The following TUSC3 variants were observed in gnomAD, a reference collection of about 807,000 sequenced individuals.
TUSC3 encodes the protein tumor suppressor candidate 3.
Under a neutral mutation model 44.8 loss-of-function variants are expected in TUSC3, and 45 were observed. The observed-to-expected ratio is 1.00, with a 90% CI of 0.79 to 1.29. The LOEUF (loss-of-function observed/expected upper bound fraction) is 1.29, where lower values mean the gene tolerates loss of function less well. Ranked by LOEUF, TUSC3 falls within the 50% of genes most tolerant of loss-of-function variation. The pLI is 0.00. For missense variants in TUSC3, 519 were observed against 437.9 expected, an observed-to-expected ratio of 1.19 and a Z score of -1.65; for synonymous variants, 212 against 152.9, an observed-to-expected ratio of 1.39 and a Z score of -2.85.
the TUSC3 span, among the ~76,000 whole-genome samples, chr8:15,804,754 G>C: frequency 6.6e-6 from 1 of 152,120 alleles, no homozygotes; most frequent in African/African-American, 2.4e-5. Context: ...GTTGGGTATT[G>C]TGATGCCTCC....
At chr8:15,756,980 T>A (rs930182361) in intron 9 of TUSC3, among the ~76,000 whole-genome samples, 3 of 152,098 alleles carry the variant, frequency 2.0e-5, no homozygotes, top group Middle Eastern at 6.8e-3. Flanking sequence ...ACAAAAAATT[T>A]AAAAAATTAG....
chr8:15,757,421 C>A (rs910222940), intron 9 of TUSC3, among the ~76,000 whole-genome samples: 1 of 152,080 alleles, frequency 6.6e-6, no homozygotes, highest in African/African-American at 2.4e-5. Context: ...GCAAAAATTC[C>A]AGCATGTAGA....
chr8:15,832,480 C>A, the TUSC3 span, among the ~76,000 whole-genome samples: 3 of 152,124 alleles, frequency 2.0e-5, no homozygotes, highest in African/African-American at 7.2e-5. Flanking sequence ...TCAAAAGACA[C>A]AGAGTGGCAA....
chr8:15,617,140 T>TGTGTGTGTGTGTG (rs1563136021), intron 1 of TUSC3, among the ~76,000 whole-genome samples: 1 of 8,122 alleles, frequency 1.2e-4, no homozygotes, highest in Non-Finnish European at 6.2e-4. Context: ...GTGTATATAT[T>TGTGTGTGTGTGTG]TTTTTTTTTT....
At chr8:15,629,360 G>A (rs564170455) in intron 2 of TUSC3, among the ~76,000 whole-genome samples, 96 of 152,226 alleles carry the variant, frequency 6.3e-4, no homozygotes, top group African/African-American at 2.2e-3. Flanking sequence ...GGAGAGCTCT[G>A]TAATCCATAT....
Position 15,685,443 on chromosome 8 carries a change from C to G in TUSC3, c.798+11607C>G, listed in dbSNP as rs887590052. Among the ~76,000 whole-genome samples the G allele has an allele frequency of 3.9e-5, 6 of 152,074 alleles. No homozygotes were observed. The South Asian group carries it at 1.0e-3, about 27-fold the overall frequency. ...GATGGTTTATTTGATATTTTGGTTC[C>G]TCTTGGTGGACAGTTCCCGGCTGTT... On this transcript the variant is annotated intron_variant, in intron 6 of 10. Coordinates refer to ENST00000503731, the MANE Select transcript of TUSC3 (RefSeq NM_006765.4).
At chr8:15,535,019 C>T (rs940434431) in intron 2 of TUSC3, among the ~76,000 whole-genome samples, 1 of 152,192 alleles carries the variant, frequency 6.6e-6, no homozygotes, top group Admixed American at 6.5e-5. Context: ...TCCACAAGGA[C>T]TCAAATATAG....
chr8:15,581,471 G>A (rs1784738463), intron 1 of TUSC3, among the ~76,000 whole-genome samples: 1 of 147,992 alleles, frequency 6.8e-6, no homozygotes, highest in Admixed American at 6.7e-5. Context: ...GGTCTTTGAT[G>A]ATGGTGATGT....
intron 10 of TUSC3, among the ~76,000 whole-genome samples, chr8:15,761,091 C>CTGAT (rs1332570384): frequency 6.6e-6 from 1 of 152,114 alleles, no homozygotes; most frequent in East Asian, 1.9e-4. Context: ...TTGTTAAATG[C>CTGAT]TGATTGAAAC....
At chr8:15,569,048 C>T (rs1041018967) in intron 1 of TUSC3, among the ~76,000 whole-genome samples, 1 of 151,876 alleles carries the variant, frequency 6.6e-6, no homozygotes, top group Non-Finnish European at 1.5e-5. Flanking sequence ...CATTATTGTG[C>T]GGCTTGTTAT....
At chr8:15,532,739 A>G (rs568080137) in intron 2 of TUSC3, among the ~76,000 whole-genome samples, 3 of 152,288 alleles carry the variant, frequency 2.0e-5, no homozygotes, top group East Asian at 3.9e-4. Context: ...GAGAAAACTG[A>G]TTCACGGGGG....
At chr8:15,809,401 G>A in the TUSC3 span, among the ~76,000 whole-genome samples, 3 of 152,232 alleles carry the variant, frequency 2.0e-5, no homozygotes, top group Non-Finnish European at 4.4e-5. Flanking sequence ...GTGGGAATAG[G>A]TAAAGGTCCC....
At chr8:15,492,926 T>G (rs1800829423) in intron 2 of TUSC3, among the ~76,000 whole-genome samples, 1 of 152,056 alleles carries the variant, frequency 6.6e-6, no homozygotes, top group African/African-American at 2.4e-5. Flanking sequence ...TAAAACATCA[T>G]GAAAAAAAGA....
Position 15,720,190 on chromosome 8 carries a change from GTATA to G in TUSC3, c.799-10467_799-10464del, listed in dbSNP as rs146671801. On this transcript the variant is annotated intron_variant, in intron 6 of 10. Transcript: ENST00000503731. Reference sequence around the variant, plus strand: ...GTGATATATCATTGTTAAATATAGTGTATATATATATACACACACACACACACAC... The same window carrying G: ...GTGATATATCATTGTTAAATATAGTGTATATATACACACACACACACACAC... Among the ~76,000 whole-genome samples, 135 of 135,060 alleles carry G rather than the reference GTATA, an allele frequency of 1.0e-3. 1 individual carries two copies. Among genetic ancestry groups the G allele is most frequent in the Middle Eastern group, 4.0e-3 (1 of 250 alleles). The allele number at this position is 135,060 out of a possible 152,430, so 88.6% of individuals were successfully genotyped here. A position where few individuals can be genotyped will look rare whatever the true frequency, so the allele number is the denominator to read the frequency against.
At chr8:15,833,776 A>G in the TUSC3 span, among the ~76,000 whole-genome samples, 1 of 152,236 alleles carries the variant, frequency 6.6e-6, no homozygotes, top group East Asian at 1.9e-4. Context: ...AATCTGTACA[A>G]CAAACCCCGT....
At chr8:15,606,243 A>G (rs1423691255) in intron 1 of TUSC3, among the ~76,000 whole-genome samples, 1 of 152,078 alleles carries the variant, frequency 6.6e-6, no homozygotes, top group Non-Finnish European at 1.5e-5. Context: ...ACAGAAACTT[A>G]TAGTATGAGT....
At chr8:15,444,088 G>A (rs1031633390) in intron 1 of TUSC3, among the ~76,000 whole-genome samples, 3 of 152,138 alleles carry the variant, frequency 2.0e-5, no homozygotes, top group South Asian at 2.1e-4. Flanking sequence ...TCTCTATTGC[G>A]ATTCCCCTGT....
chr8:15,511,464 T>C (rs939591641), intron 2 of TUSC3, among the ~76,000 whole-genome samples: 3 of 152,226 alleles, frequency 2.0e-5, no homozygotes, highest in Non-Finnish European at 4.4e-5. Flanking sequence ...TACAAAAATG[T>C]ATTGTATTTC....
intron 6 of TUSC3, among the ~76,000 whole-genome samples, chr8:15,719,987 C>CA (rs1810232865): frequency 6.6e-6 from 1 of 151,956 alleles, no homozygotes; most frequent in Non-Finnish European, 1.5e-5. Flanking sequence ...GGCATGGTCA[C>CA]AGCTAACTAT....
Sources: gnomAD v4.1 joint callset for allele counts (sites outside exome capture counted in the v4.1 genomes callset) on GRCh38, gnomAD v4.1.1 for gene constraint, MANE v1.5 for transcripts, NCBI Gene and HGNC (gene_info 2026-07-23, HGNC 2026-07-21) for gene names.